DPYD: variants seen among roughly 807,000 people sequenced by gnomAD.
DPYD encodes dihydropyrimidine dehydrogenase.
In DPYD, 109 loss-of-function variants were observed where a neutral mutation model predicts 116.2. The ratio of observed to expected loss-of-function variants is 0.94; its 90% confidence interval spans 0.80 to 1.10. The LOEUF (loss-of-function observed/expected upper bound fraction) is 1.10, where lower values mean the gene tolerates loss of function less well. DPYD is among the 50% of genes least tolerant of loss of function. The probability of loss-of-function intolerance (pLI) is 0.00; values close to 1 mark genes in which losing one functional copy is unlikely to be tolerated. For synonymous variants in DPYD, 440 were observed against 432.0 expected (o/e 1.02, Z -0.23); for missense variants, 1,302 against 1,254.5 (o/e 1.04, Z -0.57).
At chr1:97,105,741 CACAA>C (rs1651090304) in intron 20 of DPYD, among the ~76,000 whole-genome samples, 2 of 152,202 alleles carry the variant, frequency 1.3e-5, no homozygotes, top group Admixed American at 6.6e-5. Context: ...GGACGACATG[CACAA>C]ACAATCTGAT....
chr1:97,106,321 T>TAA (rs147693837), intron 20 of DPYD, among the ~76,000 whole-genome samples: 1 of 152,266 alleles, frequency 6.6e-6, no homozygotes, highest in East Asian at 1.9e-4. Flanking sequence ...AGGGAGCTGG[T>TAA]AAAACATTAT....
intron 11 of DPYD, among the ~76,000 whole-genome samples, chr1:97,567,891 C>CT (rs1652638789): frequency 6.6e-6 from 1 of 151,242 alleles, no homozygotes. Context: ...TTTTATTATA[C>CT]TTTAAGTTTT....
chr1:97,078,757 C>A lies in DPYD; in HGVS notation c.*219G>T, dbSNP rs981070948. The A allele has an allele frequency of 1.8e-6, 1 of 548,538 alleles. No homozygotes were observed. The highest frequency in any genetic ancestry group is 3.2e-6 in the Non-Finnish European group (1 of 310,670). The allele number at this position is 548,538 out of a possible 1,614,324, so 34.0% of individuals were successfully genotyped here. A position where few individuals can be genotyped will look rare whatever the true frequency, so the allele number is the denominator to read the frequency against. ...TGCCACACAGTTATTTAACTACTATCCTCAGAAAAGAATTATTCTATTTTA... is the reference window on the plus strand; with the variant it reads ...TGCCACACAGTTATTTAACTACTATACTCAGAAAAGAATTATTCTATTTTA... On this transcript the variant is annotated 3_prime_UTR_variant, in exon 23 of 23. Coordinates refer to ENST00000370192, the MANE Select transcript of DPYD (RefSeq NM_000110.4).
chr1:97,473,259 T>C (rs1450424881), intron 13 of DPYD, among the ~76,000 whole-genome samples: 1 of 152,234 alleles, frequency 6.6e-6, no homozygotes, highest in Non-Finnish European at 1.5e-5. Flanking sequence ...CTTATTTCAC[T>C]TAGCATAATG....
At chr1:97,275,649 A>G (rs1466998697) in intron 18 of DPYD, among the ~76,000 whole-genome samples, 4 of 152,218 alleles carry the variant, frequency 2.6e-5, no homozygotes, top group Non-Finnish European at 4.4e-5. Context: ...TTCCTATAAG[A>G]ATGCACACAC....
intron 20 of DPYD, among the ~76,000 whole-genome samples, chr1:97,171,519 T>G (rs925127042): frequency 6.6e-6 from 1 of 152,212 alleles, no homozygotes; most frequent in African/African-American, 2.4e-5. Flanking sequence ...GCGGAGGTTT[T>G]GTGAGCACAC....
At chr1:97,591,314 T>C (rs1654501315) in intron 10 of DPYD, among the ~76,000 whole-genome samples, 1 of 152,206 alleles carries the variant, frequency 6.6e-6, no homozygotes, top group Admixed American at 6.5e-5. Flanking sequence ...CAATATATTA[T>C]TTATGTGACA....
chr1:97,812,768 A>T (rs1668399744), intron 3 of DPYD, among the ~76,000 whole-genome samples: 1 of 152,142 alleles, frequency 6.6e-6, no homozygotes, highest in African/African-American at 2.4e-5. Flanking sequence ...TCTAGAAATT[A>T]TTAGTTTGCT....
At chr1:97,532,954 A>T in intron 12 of DPYD, among the ~76,000 whole-genome samples, 2 of 145,712 alleles carry the variant, frequency 1.4e-5, no homozygotes, top group African/African-American at 2.5e-5. Context: ...GTTATTGTTC[A>T]TCGATGTTTA....
intron 7 of DPYD, among the ~76,000 whole-genome samples, chr1:97,686,277 T>C (rs1660720107): frequency 6.6e-6 from 1 of 152,160 alleles, no homozygotes; most frequent in Non-Finnish European, 1.5e-5. Flanking sequence ...GCTAGCCATA[T>C]GCAGAAAATT....
intron 16 of DPYD, among the ~76,000 whole-genome samples, chr1:97,333,054 C>T (rs981264526): frequency 7.2e-5 from 10 of 139,576 alleles, no homozygotes; most frequent in African/African-American, 2.9e-4. Context: ...AAGCCAACTG[C>T]TAATTCTTTT....
At chr1:97,291,595 C>A (rs1666177407) in intron 18 of DPYD, among the ~76,000 whole-genome samples, 1 of 151,732 alleles carries the variant, frequency 6.6e-6, no homozygotes, top group Non-Finnish European at 1.5e-5. Context: ...GGACAAAAAA[C>A]CAAACACCGC....
intron 13 of DPYD, among the ~76,000 whole-genome samples, chr1:97,484,134 G>A (rs1033499380): frequency 1.3e-5 from 2 of 152,142 alleles, no homozygotes; most frequent in East Asian, 1.9e-4. Context: ...GCAAAACCCC[G>A]TCTCTACTAA....
intron 16 of DPYD, among the ~76,000 whole-genome samples, chr1:97,324,636 T>TA (rs915243842): frequency 6.6e-5 from 10 of 152,110 alleles, no homozygotes; most frequent in Non-Finnish European, 1.5e-4. Flanking sequence ...TTGTGACACT[T>TA]AAACTATGTC....
intron 9 of DPYD, 53 bp downstream of exon 9, chr1:97,595,006 T>A: frequency 7.2e-7 from 1 of 1,386,458 alleles, no homozygotes. Context: ...TATTAATTTA[T>A]CATAAATAAA....
At chr1:97,507,031 T>G (rs1647390624) in intron 13 of DPYD, among the ~76,000 whole-genome samples, 1 of 152,124 alleles carries the variant, frequency 6.6e-6, no homozygotes, top group Non-Finnish European at 1.5e-5. Flanking sequence ...ATACAGGTTC[T>G]TTTGTTGATG....
chr1:97,235,412 G>A (rs1218235843), intron 18 of DPYD, among the ~76,000 whole-genome samples: 1 of 152,178 alleles, frequency 6.6e-6, no homozygotes, highest in African/African-American at 2.4e-5. Context: ...GAGGTCAGGA[G>A]TTTGAGACTA....
chr1:97,694,484 G>C (rs980775542), intron 6 of DPYD, among the ~76,000 whole-genome samples: 4 of 152,188 alleles, frequency 2.6e-5, no homozygotes, highest in African/African-American at 9.7e-5. Context: ...AATATCATCA[G>C]TGTATGATGG....
chr1:97,287,120 C>T (rs546539947), intron 18 of DPYD, among the ~76,000 whole-genome samples: 1 of 152,244 alleles, frequency 6.6e-6, no homozygotes, highest in South Asian at 2.1e-4. Flanking sequence ...GATGTCCTTT[C>T]TGCTTGTTAG....
Sources: allele counts gnomAD v4.1 joint callset (sites outside exome capture counted in the v4.1 genomes callset), GRCh38; gene constraint gnomAD v4.1.1; transcripts MANE v1.5; gene names NCBI Gene and HGNC (gene_info 2026-07-23, HGNC 2026-07-21).